The following NAA11 variants were observed in gnomAD, a reference collection of about 807,000 sequenced individuals.
The protein encoded by NAA11 is N-alpha-acetyltransferase 11, NatA catalytic subunit.
In NAA11, 15 loss-of-function variants were observed where a neutral mutation model predicts 16.1. The observed-to-expected ratio is 0.93, with a 90% CI of 0.62 to 1.44. The LOEUF (loss-of-function observed/expected upper bound fraction) is 1.44. Among genes scored for constraint, NAA11 ranks in the 40% most tolerant of loss-of-function variants. The pLI is 0.00. For synonymous variants in NAA11, 122 were observed against 112.4 expected (o/e 1.09, Z -0.54); for missense variants, 298 against 291.3 (o/e 1.02, Z -0.17).
chr4:79,203,267 A>G, the NAA11 span, among the ~76,000 whole-genome samples: 1 of 151,748 alleles, frequency 6.6e-6, no homozygotes, highest in Non-Finnish European at 1.5e-5. Flanking sequence ...AGTCAAATGA[A>G]TATATTCTAA....
At chr4:79,319,488 A>G (rs1724028278) in intron 1 of NAA11, among the ~76,000 whole-genome samples, 1 of 152,196 alleles carries the variant, frequency 6.6e-6, no homozygotes, top group South Asian at 2.1e-4. Flanking sequence ...AGAATTTTAA[A>G]TATTCTATCT....
the NAA11 span, among the ~76,000 whole-genome samples, chr4:79,183,350 C>T: frequency 7.9e-5 from 12 of 152,090 alleles, no homozygotes; most frequent in Non-Finnish European, 1.8e-4. Flanking sequence ...CTATCTGTAA[C>T]TTTAATGTTT....
the NAA11 span, among the ~76,000 whole-genome samples, chr4:79,164,555 TAAAG>T: frequency 6.6e-6 from 1 of 152,168 alleles, no homozygotes; most frequent in South Asian, 2.1e-4. Context: ...AGAAATGTGA[TAAAG>T]AACACAAAAT....
chr4:79,251,607 T>G (rs1213871384), intron 2 of NAA11, among the ~76,000 whole-genome samples: 1 of 150,698 alleles, frequency 6.6e-6, no homozygotes, highest in Non-Finnish European at 1.5e-5. Flanking sequence ...AAACCCGCCA[T>G]GTACCCCTGA....
chr4:79,190,433 A>C, the NAA11 span, among the ~76,000 whole-genome samples: 1 of 148,146 alleles, frequency 6.8e-6, no homozygotes, highest in Non-Finnish European at 1.5e-5. Context: ...AACATTTACC[A>C]CATTTTGCTT....
chr4:79,200,916 A>T, the NAA11 span, among the ~76,000 whole-genome samples: 1 of 151,670 alleles, frequency 6.6e-6, no homozygotes, highest in African/African-American at 2.4e-5. Context: ...CAATTGAAAA[A>T]TACATGAAAA....
chr4:79,255,304 CAT>C (rs1410780411), intron 2 of NAA11, among the ~76,000 whole-genome samples: 1 of 151,906 alleles, frequency 6.6e-6, no homozygotes, highest in African/African-American at 2.4e-5. Context: ...CTTTGGTGGG[CAT>C]ATATGTCTCA....
the NAA11 span, among the ~76,000 whole-genome samples, chr4:79,183,420 A>G: frequency 8.1e-6 from 1 of 122,910 alleles, no homozygotes. Flanking sequence ...GGGGCCTAAA[A>G]AGATACAGTA....
chr4:79,228,733 T>G (rs1172008998), intron 2 of NAA11, among the ~76,000 whole-genome samples: 1 of 152,032 alleles, frequency 6.6e-6, no homozygotes, highest in African/African-American at 2.4e-5. Flanking sequence ...TGGTTTGTAT[T>G]TAGTTTTGGA....
At chr4:79,247,749 G>T (rs1278294946) in intron 2 of NAA11, among the ~76,000 whole-genome samples, 1 of 152,106 alleles carries the variant, frequency 6.6e-6, no homozygotes, top group Non-Finnish European at 1.5e-5. Context: ...CTCATTCCTG[G>T]CCCCAAGCAA....
the NAA11 span, among the ~76,000 whole-genome samples, chr4:79,196,251 A>G: frequency 6.6e-6 from 1 of 151,946 alleles, no homozygotes; most frequent in South Asian, 2.1e-4. Context: ...TCCTTACTGC[A>G]GGGGTGTATA....
At chr4:79,205,117 G>A in the NAA11 span, among the ~76,000 whole-genome samples, 1 of 152,034 alleles carries the variant, frequency 6.6e-6, no homozygotes, top group Admixed American at 6.6e-5. Context: ...GAAATGTGCT[G>A]CAATAAATAG....
intron 1 of NAA11, among the ~76,000 whole-genome samples, chr4:79,298,054 G>C (rs1723275266): frequency 6.6e-6 from 1 of 152,208 alleles, no homozygotes; most frequent in South Asian, 2.1e-4. Context: ...GCAGAGAGGA[G>C]CTACGTTTTC....
At chr4:79,210,910 G>A in the NAA11 span, among the ~76,000 whole-genome samples, 2 of 152,158 alleles carry the variant, frequency 1.3e-5, no homozygotes, top group African/African-American at 4.8e-5. Flanking sequence ...ACTGCATAGG[G>A]GCAGGTGAGG....
At chr4:79,158,582 A>G in the NAA11 span, among the ~76,000 whole-genome samples, 62 of 151,676 alleles carry the variant, frequency 4.1e-4, 1 homozygote, top group Non-Finnish European at 3.7e-4. Flanking sequence ...AAATACCACC[A>G]TCATTCTTCA....
intron 1 of NAA11, among the ~76,000 whole-genome samples, chr4:79,305,448 C>T (rs1723548568): frequency 1.3e-5 from 2 of 152,150 alleles, no homozygotes; most frequent in Admixed American, 1.3e-4. Flanking sequence ...CCTAAAATTT[C>T]ACAAATCATT....
chr4:79,158,052 C>T, the NAA11 span, among the ~76,000 whole-genome samples: 8 of 152,092 alleles, frequency 5.3e-5, no homozygotes, highest in Non-Finnish European at 1.2e-4. Context: ...AGGTGCTCGC[C>T]ACCACGCCCT....
At chr4:79,262,282 A>G (rs775273906) in intron 2 of NAA11, among the ~76,000 whole-genome samples, 64 of 152,228 alleles carry the variant, frequency 4.2e-4, no homozygotes, top group Admixed American at 2.6e-4. Flanking sequence ...GAAATAGAAT[A>G]GTGTGATGTT....
the NAA11 span, among the ~76,000 whole-genome samples, chr4:79,196,842 A>G: frequency 6.6e-6 from 1 of 151,720 alleles, no homozygotes; most frequent in Non-Finnish European, 1.5e-5. Context: ...AGGGAGAAAC[A>G]GAAGAGTGTC....
Sources: allele counts gnomAD v4.1 joint callset (sites outside exome capture counted in the v4.1 genomes callset), GRCh38; gene constraint gnomAD v4.1.1; transcripts MANE v1.5; gene names NCBI Gene and HGNC (gene_info 2026-07-23, HGNC 2026-07-21).